The following ACLY variants were observed in gnomAD, a reference collection of about 807,000 sequenced individuals.
ACLY encodes ATP citrate lyase.
Under a neutral mutation model 133.0 loss-of-function variants are expected in ACLY, and 41 were observed. The ratio of observed to expected loss-of-function variants is 0.31; its 90% CI spans 0.24 to 0.40. The LOEUF is 0.40. Among genes scored for constraint, ACLY ranks in the 10% least tolerant of loss-of-function variants. ACLY has a pLI of 1.00. For missense variants in ACLY, 1,046 were observed against 1,453.8 expected, an observed-to-expected ratio of 0.72 and a Z score of 4.56; for synonymous variants, 495 against 549.3, an observed-to-expected ratio of 0.90 and a Z score of 1.38.
At chr17:41,907,312 A>C in intron 7 of ACLY, 130 bp downstream of exon 7, 1 of 741,932 alleles carries the variant, frequency 1.3e-6, no homozygotes, top group Admixed American at 2.9e-5. Flanking sequence ...TAAGAAAATT[A>C]AATGCTTCTC....
intron 22 of ACLY, among the ~76,000 whole-genome samples, chr17:41,877,477 GTC>G (rs2048795615): frequency 6.9e-6 from 1 of 145,050 alleles, no homozygotes; most frequent in African/African-American, 2.6e-5. Flanking sequence ...TACAGACAGG[GTC>G]TCACTCTGTC....
intron 14 of ACLY, 148 bp from the exon 15 acceptor site, chr17:41,893,322 AT>A: frequency 1.5e-5 from 15 of 978,900 alleles, no homozygotes; most frequent in Non-Finnish European, 2.1e-5. Context: ...AGAGGACAGA[AT>A]TCTGAGAACT....
At position 41,873,833 on chromosome 17, in the gene ACLY, C is replaced by T. The variant is rs1461603121; in HGVS notation, c.2620G>A (p.Gly874Ser). The change falls in exon 23 of 29, where the codon GGC becomes AGC. Residue 874 changes from glycine (G) to serine (S), a missense_variant. Physicochemically the swap from Gly to Ser is moderately conservative, Grantham distance 56 (BLOSUM62 0). Coordinates refer to ENST00000352035, the MANE Select transcript of ACLY (RefSeq NM_001096.3). ...CACCTTTTCTGGAACCAGAGGAGGC[C>T]GAGGACCCCGCCAATGCCCATCTCT... is the stretch of plus-strand genomic sequence containing the variant. ...KEEMGIGGVL[G>S]LLWFQKRLPK... 13 of 1,583,076 alleles carry T rather than the reference C, an allele frequency of 8.2e-6. No individual in the cohort carries two copies. In the African/African-American group the frequency reaches 1.1e-4, roughly 13 times the overall value.
At chr17:41,894,430 T>G (rs960967164) in intron 14 of ACLY, among the ~76,000 whole-genome samples, 2 of 142,192 alleles carry the variant, frequency 1.4e-5, no homozygotes, top group African/African-American at 5.3e-5. Flanking sequence ...CTGGTAGAAG[T>G]GCAGTTCTCT....
intron 23 of ACLY, 148 bp downstream of exon 23, chr17:41,873,663 T>C (rs2048657460): frequency 2.1e-6 from 2 of 971,536 alleles, no homozygotes; most frequent in African/African-American, 1.7e-5. Flanking sequence ...AGTTTATGTG[T>C]CCTTCCTCTG....
chr17:41,897,298 AAAG>A lies in ACLY; in HGVS notation c.1429+448_1429+450del, dbSNP rs1214877252. On this transcript the variant is annotated intron_variant, in intron 13 of 28. Transcript: ENST00000352035. The stretch of plus-strand genomic sequence containing the variant: ...CGGGGGCTTTTCTTGCTGGGGATTC[AAAG>A]GAGGGAATGTCTGTTAGGGCCCCAA... Among the ~76,000 whole-genome samples the A allele has an allele frequency of 2.0e-5, 3 of 152,028 alleles. No individual in the cohort carries two copies. In the East Asian group the frequency reaches 5.8e-4, roughly 29 times the overall value.
intron 19 of ACLY, among the ~76,000 whole-genome samples, 189 bp from the exon 20 acceptor site, chr17:41,883,421 C>A (rs1313183708): frequency 3.3e-5 from 5 of 152,114 alleles, no homozygotes; most frequent in Non-Finnish European, 7.3e-5. Context: ...ACTCCCCCTT[C>A]CTAATCTAGA....
intron 14 of ACLY, among the ~76,000 whole-genome samples, chr17:41,896,414 C>T (rs1555630372): frequency 6.6e-6 from 1 of 152,136 alleles, no homozygotes; most frequent in African/African-American, 2.4e-5. Context: ...GAGGAGAGGA[C>T]TGAGTGGGGC....
rs782453786 is a variant in ACLY at position 41,897,833 on chromosome 17, C to T, written c.1345G>A (p.Ala449Thr). 2 of 1,613,240 alleles carry T rather than the reference C, an allele frequency of 1.2e-6. No homozygotes were observed. The highest frequency in any genetic ancestry group is 1.7e-5 in the Admixed American group (1 of 59,902). ...LNASGSTSTP[A>T]PSRTASFSES... is the part of the protein sequence containing the mutation. ...GAAAAAGATGCTGTCCTGCTGGGGG[C>T]TGGCGTCTGGGGTGAGATAAGGAGA... The change falls in exon 13 of 29, where the codon GCC becomes ACC. Residue 449 changes from alanine to threonine, a missense_variant. By Grantham distance (58) the Ala-to-Thr change is moderately conservative (BLOSUM62 0). Coordinates refer to ENST00000352035, the MANE Select transcript of ACLY (RefSeq NM_001096.3).
chr17:41,882,602 G>A (rs777995984), intron 20 of ACLY, among the ~76,000 whole-genome samples: 8 of 152,100 alleles, frequency 5.3e-5, no homozygotes, highest in Admixed American at 5.3e-4. Context: ...GCAGACAGCA[G>A]AAGCCCAAGG....
At chr17:41,883,365 G>GAGGA in intron 19 of ACLY, 133 bp from the exon 20 acceptor site, 1 of 671,026 alleles carries the variant, frequency 1.5e-6, no homozygotes, top group Non-Finnish European at 2.5e-6. Context: ...ACACAAGGAA[G>GAGGA]ATTTCTAAAG....
chr17:41,901,904 G>A (rs2049551772), intron 10 of ACLY, 91 bp from the exon 11 acceptor site: 4 of 977,630 alleles, frequency 4.1e-6, no homozygotes, highest in Non-Finnish European at 6.2e-6. Context: ...AGGTATATGT[G>A]ACAAGTGCTG....
intron 10 of ACLY, among the ~76,000 whole-genome samples, chr17:41,902,918 C>T (rs535902947): frequency 2.0e-5 from 3 of 152,208 alleles, no homozygotes; most frequent in East Asian, 1.9e-4. Flanking sequence ...CCTCAACCTC[C>T]GGGGCTCAAG....
intron 22 of ACLY, among the ~76,000 whole-genome samples, chr17:41,876,197 G>C (rs2144227183): frequency 6.6e-6 from 1 of 152,122 alleles, no homozygotes; most frequent in East Asian, 1.9e-4. Context: ...CGTCTGGGAA[G>C]TGAGGAGCGT....
At chr17:41,880,721 C>T (rs2048890093) in intron 20 of ACLY, among the ~76,000 whole-genome samples, 1 of 151,940 alleles carries the variant, frequency 6.6e-6, no homozygotes, top group African/African-American at 2.4e-5. Flanking sequence ...AAAAAATTAG[C>T]CGAGTGTGGT....
intron 10 of ACLY, among the ~76,000 whole-genome samples, chr17:41,903,278 C>T (rs1232843393): frequency 3.3e-5 from 5 of 152,134 alleles, no homozygotes; most frequent in African/African-American, 7.2e-5. Context: ...TCTTGAGACA[C>T]GTTAGCTCTG....
intron 14 of ACLY, among the ~76,000 whole-genome samples, chr17:41,894,551 A>G (rs553731219): frequency 6.6e-6 from 1 of 150,774 alleles, no homozygotes; most frequent in Non-Finnish European, 1.5e-5. Context: ...GTGAGACCCC[A>G]CCTCAAAAAA....
chr17:41,909,089 G>C, intron 5 of ACLY, 21 bp from the exon 6 acceptor site: 3 of 1,593,890 alleles, frequency 1.9e-6, no homozygotes, highest in Non-Finnish European at 2.6e-6. Context: ...GAGGGAGAGA[G>C]GGACAGTTCA....
intron 8 of ACLY, 36 bp downstream of exon 8, chr17:41,906,492 T>G: frequency 6.3e-7 from 1 of 1,575,192 alleles, no homozygotes; most frequent in Non-Finnish European, 8.7e-7. Flanking sequence ...CTGGGTAGAC[T>G]GGGCTGGCAT....
Sources: allele counts gnomAD v4.1 joint callset (sites outside exome capture counted in the v4.1 genomes callset), GRCh38; gene constraint gnomAD v4.1.1; transcripts MANE v1.5; gene names NCBI Gene and HGNC (gene_info 2026-07-23, HGNC 2026-07-21).